The following PIK3C2G variants were observed in gnomAD, a reference collection of about 807,000 sequenced individuals.
The protein encoded by PIK3C2G is phosphatidylinositol-4-phosphate 3-kinase catalytic subunit type 2 gamma, also known as phosphatidylinositol 3-kinase C2 domain-containing subunit gamma.
Under a neutral mutation model 181.1 loss-of-function variants are expected in PIK3C2G, and 168 were observed. The observed-to-expected ratio is 0.93, with a 90% CI of 0.82 to 1.05. PIK3C2G has a LOEUF of 1.05. Among genes scored for constraint, PIK3C2G ranks in the 50% least tolerant of loss-of-function variants. The pLI is 0.00. For missense variants in PIK3C2G, 1,869 were observed against 1,732.8 expected, an observed-to-expected ratio of 1.08 and a Z score of -1.40; for synonymous variants, 573 against 592.2, an observed-to-expected ratio of 0.97 and a Z score of 0.47.
the PIK3C2G span, among the ~76,000 whole-genome samples, chr12:18,725,934 G>A: frequency 5.3e-5 from 8 of 151,992 alleles, no homozygotes; most frequent in African/African-American, 1.9e-4. Context: ...GTTCTTAGAA[G>A]ACTCCACTTT....
chr12:18,275,000 G>T (rs1948921412), intron 1 of PIK3C2G, among the ~76,000 whole-genome samples: 2 of 152,044 alleles, frequency 1.3e-5, no homozygotes, highest in Non-Finnish European at 2.9e-5. Context: ...CTGTCATTTT[G>T]ATTGTCTGAA....
chr12:18,424,081 C>A, intron 18 of PIK3C2G, 42 bp downstream of exon 18: 1 of 1,167,504 alleles, frequency 8.6e-7, no homozygotes, highest in Non-Finnish European at 1.3e-6. Flanking sequence ...TTTTAATTGC[C>A]ACCTTCTCTA....
At chr12:18,313,836 A>T (rs981665318) in intron 5 of PIK3C2G, 126 bp from the exon 6 acceptor site, 32 of 613,756 alleles carry the variant, frequency 5.2e-5, no homozygotes, top group Non-Finnish European at 8.4e-5. Context: ...ACACGCACAC[A>T]CACGCACACA....
At chr12:18,411,167 A>G (rs1314705385) in intron 16 of PIK3C2G, among the ~76,000 whole-genome samples, 1 of 152,198 alleles carries the variant, frequency 6.6e-6, no homozygotes, top group Non-Finnish European at 1.5e-5. Flanking sequence ...AGAATGCAAT[A>G]AAATAAATAA....
At chr12:18,246,041 G>T (rs1429860923), upstream of PIK3C2G, among the ~76,000 whole-genome samples, 1 of 152,102 alleles carries the variant, frequency 6.6e-6, no homozygotes, top group Admixed American at 6.6e-5. Flanking sequence ...TTTTAGCTGA[G>T]AAATAAATTT....
the PIK3C2G span, among the ~76,000 whole-genome samples, chr12:18,703,179 C>A: frequency 6.6e-6 from 1 of 152,092 alleles, no homozygotes; most frequent in African/African-American, 2.4e-5. Flanking sequence ...AAATTCTTTA[C>A]TATTTCTTTC....
At chr12:18,559,812 A>AGAGAGAGAGAGG (rs1945234887) in intron 26 of PIK3C2G, among the ~76,000 whole-genome samples, 1 of 40,322 alleles carries the variant, frequency 2.5e-5, no homozygotes, top group Non-Finnish European at 5.2e-5. Context: ...ATATATATAT[A>AGAGAGAGAGAGG]TATATATATA....
intron 31 of PIK3C2G, among the ~76,000 whole-genome samples, chr12:18,629,356 C>T (rs1949245126): frequency 6.6e-6 from 1 of 152,122 alleles, no homozygotes; most frequent in Non-Finnish European, 1.5e-5. Flanking sequence ...ATCATCAGCT[C>T]CTAGGAGATT....
intron 16 of PIK3C2G, among the ~76,000 whole-genome samples, chr12:18,410,993 T>C (rs1224291786): frequency 1.3e-5 from 2 of 152,178 alleles, no homozygotes; most frequent in African/African-American, 4.8e-5. Context: ...AATTTCTATA[T>C]GCAAGTCCAT....
At chr12:18,400,791 C>T (rs1944208168) in intron 16 of PIK3C2G, among the ~76,000 whole-genome samples, 1 of 152,024 alleles carries the variant, frequency 6.6e-6, no homozygotes, top group African/African-American at 2.4e-5. Context: ...TTTTGTACTC[C>T]TCACTTTGAA....
intron 8 of PIK3C2G, among the ~76,000 whole-genome samples, chr12:18,336,689 G>A (rs971360171): frequency 7.9e-5 from 12 of 151,568 alleles, no homozygotes; most frequent in Admixed American, 5.9e-4. Context: ...ATTATTGAGC[G>A]GATGTATTTT....
Position 18,290,990 on chromosome 12 carries a change from A to G in PIK3C2G, c.897A>G (p.Gln299=), listed in dbSNP as rs1949667615. ...ATATTTTTATTGATAACTCAACACA[A>G]CCTCTTCATTTTATGCCATGTGGTA... ...NIHIFIDNST[Q]PLHFMPCANY... is the part of the protein sequence containing the mutation. The change falls in exon 4 of 33, where the codon CAA becomes CAG. Residue 299 remains glutamine, a synonymous_variant. Transcript: ENST00000538779. The G allele has an allele frequency of 1.2e-6, 2 of 1,601,728 alleles. No homozygotes were observed. The highest frequency in any genetic ancestry group is 3.3e-4 in the Middle Eastern group (2 of 6,046).
intron 4 of PIK3C2G, among the ~76,000 whole-genome samples, chr12:18,292,969 G>A (rs191571738): frequency 6.6e-6 from 1 of 152,218 alleles, no homozygotes; most frequent in Admixed American, 6.5e-5. Flanking sequence ...CTACAAAATT[G>A]CATAGCTTCC....
At chr12:18,694,215 C>T in the PIK3C2G span, 2 of 621,660 alleles carry the variant, frequency 3.2e-6, no homozygotes, top group South Asian at 2.1e-5. Context: ...ATTAGCAAAA[C>T]ATCCTGTGTC....
At chr12:18,496,295 C>G in intron 21 of PIK3C2G, 141 bp downstream of exon 21, 1 of 636,180 alleles carries the variant, frequency 1.6e-6, no homozygotes. Flanking sequence ...TGCCTTTTTA[C>G]AGGATTATAT....
At chr12:18,323,103 G>C (rs112299161) in intron 7 of PIK3C2G, among the ~76,000 whole-genome samples, 2,891 of 152,290 alleles carry the variant, frequency 0.019, 37 homozygotes, top group South Asian at 0.033. Flanking sequence ...AAGAGAGTGA[G>C]AGAAGGAGGC....
At chr12:18,602,480 G>C (rs534944760) in intron 30 of PIK3C2G, among the ~76,000 whole-genome samples, 156 of 143,090 alleles carry the variant, frequency 1.1e-3, no homozygotes, top group South Asian at 5.4e-3. Flanking sequence ...ATATAATTGT[G>C]GGAGTTCTAG....
At chr12:18,396,799 A>G (rs550110448) in intron 15 of PIK3C2G, among the ~76,000 whole-genome samples, 4 of 151,754 alleles carry the variant, frequency 2.6e-5, no homozygotes, top group African/African-American at 4.8e-5. Context: ...ATGAAAAAAT[A>G]TACTACATTT....
At chr12:18,330,280 T>A (rs535193437) in intron 8 of PIK3C2G, among the ~76,000 whole-genome samples, 1 of 152,244 alleles carries the variant, frequency 6.6e-6, no homozygotes, top group Non-Finnish European at 1.5e-5. Flanking sequence ...GATATTTGCA[T>A]TACAAGAGAA....
Sources: gnomAD v4.1 joint callset for allele counts (sites outside exome capture counted in the v4.1 genomes callset) on GRCh38, gnomAD v4.1.1 for gene constraint, MANE v1.5 for transcripts, NCBI Gene and HGNC (gene_info 2026-07-23, HGNC 2026-07-21) for gene names.